SCARA5: variants seen among roughly 807,000 people sequenced by gnomAD.
SCARA5 encodes scavenger receptor class A member 5.
Under a neutral mutation model 46.3 loss-of-function variants are expected in SCARA5, and 45 were observed. The observed-to-expected ratio is 0.97, with a 90% CI of 0.76 to 1.24. The LOEUF is 1.24. SCARA5 is among the 50% of genes most tolerant of loss of function. SCARA5 has a pLI of 0.00. For missense variants in SCARA5, 680 were observed against 689.0 expected (o/e 0.99, Z 0.15); for synonymous variants, 333 against 306.5 (o/e 1.09, Z -0.90).
intron 3 of SCARA5, among the ~76,000 whole-genome samples, chr8:27,950,061 G>C (rs2129897434): frequency 6.6e-6 from 1 of 152,248 alleles, no homozygotes; most frequent in Admixed American, 6.5e-5. Flanking sequence ...TGGTGAGAAA[G>C]GGGCTGAGAG....
chr8:27,985,547 G>A (rs550327241), intron 2 of SCARA5, among the ~76,000 whole-genome samples: 2 of 152,328 alleles, frequency 1.3e-5, no homozygotes, highest in South Asian at 2.1e-4. Context: ...TCAATGGCCA[G>A]GTCCAATTTT....
chr8:27,927,924 G>A (rs905546647), intron 3 of SCARA5, among the ~76,000 whole-genome samples: 1 of 152,196 alleles, frequency 6.6e-6, no homozygotes, highest in African/African-American at 2.4e-5. Flanking sequence ...TTATTTTTAT[G>A]TGAGTCTATT....
In SCARA5 at chr8:27,909,762, C is replaced by T; in HGVS notation, c.917-19G>A. On this transcript the variant is annotated intron_variant, in intron 4 of 8. Coordinates refer to ENST00000354914, the MANE Select transcript of SCARA5 (RefSeq NM_173833.6). ...GGTGGCCCTGGAAAGGCAAAAACAG[C>T]ACTGAGGTTAGGGGGCTCCCTTCTG... 2 of 1,533,022 alleles carry T rather than the reference C, an allele frequency of 1.3e-6. No homozygotes were observed. The highest frequency in any genetic ancestry group is 1.8e-6 in the Non-Finnish European group (2 of 1,130,640). 95.0% of individuals were successfully genotyped at this position (1,533,022 alleles called of 1,614,324 possible).
chr8:27,957,782 A>T (rs7826651), intron 3 of SCARA5, among the ~76,000 whole-genome samples: 2,887 of 152,332 alleles, frequency 0.019, 87 homozygotes, highest in African/African-American at 0.066. Context: ...ATTAGATGAC[A>T]CAATGTATGC....
intron 3 of SCARA5, among the ~76,000 whole-genome samples, chr8:27,930,739 A>T (rs1310059324): frequency 6.6e-6 from 1 of 152,176 alleles, no homozygotes; most frequent in Non-Finnish European, 1.5e-5. Context: ...AGTCTTGGGT[A>T]TGTCTTTACG....
chr8:27,928,347 T>C (rs1164522826), intron 3 of SCARA5, among the ~76,000 whole-genome samples: 2 of 152,232 alleles, frequency 1.3e-5, no homozygotes, highest in Non-Finnish European at 2.9e-5. Context: ...AAGCAGATCA[T>C]AGAACAGTGT....
intron 2 of SCARA5, among the ~76,000 whole-genome samples, chr8:27,981,227 C>T (rs1013429344): frequency 8.5e-5 from 13 of 152,224 alleles, no homozygotes; most frequent in Non-Finnish European, 1.5e-5. Flanking sequence ...AGAAGGCTCC[C>T]TCAGATTAGG....
Position 27,890,713 on chromosome 8 carries a change from C to T in SCARA5, c.1154-10947G>A, listed in dbSNP as rs150110582. Among the ~76,000 whole-genome samples, 756 of 152,336 alleles carry T rather than the reference C, an allele frequency of 5.0e-3. 8 individuals carry two copies. Among genetic ancestry groups the T allele is most frequent in the African/African-American group, 0.017 (710 of 41,576 alleles). The stretch of plus-strand genomic sequence containing the variant: ...GGGTGGGAAAGGTGCTGCCCCAGCA[C>T]GGAGGCCACAGCTCGCTGTGCACAC... On this transcript the variant is annotated intron_variant, in intron 7 of 8. Transcript: ENST00000354914.
At chr8:27,932,788 C>T (rs1392845884) in intron 3 of SCARA5, among the ~76,000 whole-genome samples, 1 of 152,220 alleles carries the variant, frequency 6.6e-6, no homozygotes, top group Non-Finnish European at 1.5e-5. Context: ...GCCACCATAG[C>T]CGGCTAATTT....
intron 6 of SCARA5, among the ~76,000 whole-genome samples, chr8:27,905,590 G>A (rs1311449362): frequency 6.6e-6 from 1 of 151,048 alleles, no homozygotes; most frequent in Non-Finnish European, 1.5e-5. Flanking sequence ...AGATCTGGCA[G>A]GGTGTGCTCC....
intron 2 of SCARA5, among the ~76,000 whole-genome samples, chr8:27,977,381 A>G (rs901809687): frequency 2.0e-5 from 3 of 151,882 alleles, no homozygotes; most frequent in Non-Finnish European, 2.9e-5. Context: ...CTTTCATGCT[A>G]TCTCCCTCCC....
At chr8:27,904,492 A>C (rs1807218395) in intron 7 of SCARA5, 1 of 538,672 alleles carries the variant, frequency 1.9e-6, no homozygotes, top group African/African-American at 1.9e-5. Context: ...ACACTGAGGC[A>C]CAGAGATTAT....
At chr8:27,940,988 C>T (rs931350548) in intron 3 of SCARA5, among the ~76,000 whole-genome samples, 1 of 152,030 alleles carries the variant, frequency 6.6e-6, no homozygotes, top group Non-Finnish European at 1.5e-5. Context: ...CAAAACACTC[C>T]TATGAAATTT....
intron 7 of SCARA5, among the ~76,000 whole-genome samples, chr8:27,890,244 G>A (rs938603598): frequency 2.0e-5 from 3 of 152,322 alleles, no homozygotes; most frequent in Admixed American, 6.5e-5. Flanking sequence ...TGGGATGCCA[G>A]ATCCTTCTCT....
At chr8:27,956,044 T>G (rs1044951426) in intron 3 of SCARA5, among the ~76,000 whole-genome samples, 1 of 152,180 alleles carries the variant, frequency 6.6e-6, no homozygotes, top group African/African-American at 2.4e-5. Flanking sequence ...TGATGTTTGT[T>G]AAATAACCAA....
chr8:27,871,900 T>C lies in SCARA5; in HGVS notation c.*34A>G. 6.2e-7 allele frequency: 1 copy of C among 1,613,090 alleles called. No homozygotes were observed. The highest frequency in any genetic ancestry group is 8.5e-7 in the Non-Finnish European group (1 of 1,179,926). On this transcript the variant is annotated 3_prime_UTR_variant, in exon 9 of 9. Transcript: ENST00000354914. ...CCCCAGGGATGCAGGAAGGGTGCTC[T>C]GTGCAGGACCCCGAACTTGGGCTCT...
intron 3 of SCARA5, among the ~76,000 whole-genome samples, chr8:27,925,170 G>A (rs576827746): frequency 1.3e-4 from 20 of 152,286 alleles, no homozygotes; most frequent in South Asian, 8.3e-4. Flanking sequence ...AAAAGAGCCC[G>A]TTTTGCCAAG....
chr8:27,897,341 C>T (rs534503687), intron 7 of SCARA5, among the ~76,000 whole-genome samples: 28 of 152,166 alleles, frequency 1.8e-4, no homozygotes, highest in Non-Finnish European at 3.8e-4. Context: ...CTCGGGGTCA[C>T]GGAGATTAAG....
intron 7 of SCARA5, among the ~76,000 whole-genome samples, chr8:27,887,321 C>T (rs564291299): frequency 9.2e-5 from 14 of 152,284 alleles, no homozygotes; most frequent in Admixed American, 2.0e-4. Context: ...TTGCACCCCT[C>T]AGGTGAGGGC....
Sources: gnomAD v4.1 joint callset for allele counts (sites outside exome capture counted in the v4.1 genomes callset) on GRCh38, gnomAD v4.1.1 for gene constraint, MANE v1.5 for transcripts, NCBI Gene and HGNC (gene_info 2026-07-23, HGNC 2026-07-21) for gene names.